The following SERHL2 variants were observed in gnomAD, a reference collection of about 807,000 sequenced individuals.
The protein encoded by SERHL2 is serine hydrolase like 2, also known as serine hydrolase-like protein 2.
A neutral mutation model predicts 25.5 loss-of-function variants in SERHL2; 29 were observed. The observed-to-expected ratio is 1.14, with a 90% CI of 0.85 to 1.55. The LOEUF (loss-of-function observed/expected upper bound fraction) is 1.55, where lower values mean the gene tolerates loss of function less well. SERHL2 is among the 40% of genes most tolerant of loss of function. The probability of loss-of-function intolerance (pLI) is 0.00; values close to 1 mark genes in which losing one functional copy is unlikely to be tolerated. For missense variants in SERHL2, 240 were observed against 252.3 expected (o/e 0.95, Z 0.33); for synonymous variants, 95 against 103.5 (o/e 0.92, Z 0.50).
chr22:42,554,122 G>C (rs1011294391), intron 1 of SERHL2, 80 bp downstream of exon 1: 1 of 1,533,344 alleles, frequency 6.5e-7, no homozygotes, highest in Admixed American at 1.8e-5. Context: ...GGATGGAGTG[G>C]AGGGTTCGCC....
At chr22:42,560,145 A>G (rs781776595) in intron 7 of SERHL2, 41 bp from the exon 8 acceptor site, 40 of 1,500,112 alleles carry the variant, frequency 2.7e-5, no homozygotes, top group Middle Eastern at 1.8e-4. Context: ...CCTCCTTTTT[A>G]TTGGCCTCCA....
chr22:42,572,355 T>C (rs997768233), intron 10 of SERHL2, 81 bp from the exon 11 acceptor site: 21 of 1,055,662 alleles, frequency 2.0e-5, no homozygotes, highest in Non-Finnish European at 2.9e-5. Context: ...CTCAGAGGCC[T>C]GAACCCAGGG....
chr22:42,565,639 G>GT (rs1306867082), intron 8 of SERHL2, among the ~76,000 whole-genome samples: 17 of 151,246 alleles, frequency 1.1e-4, no homozygotes, highest in East Asian at 1.9e-4. Context: ...TAATTTTTTA[G>GT]TTTTTTTGTG....
chr22:42,573,833 T>C, intron 11 of SERHL2, 103 bp from the exon 12 acceptor site: 1 of 1,087,160 alleles, frequency 9.2e-7, no homozygotes, highest in Non-Finnish European at 1.3e-6. Flanking sequence ...GCTCCTGACC[T>C]GCAGGGAGCT....
chr22:42,567,335 A>ATTTTC (rs910985463), intron 9 of SERHL2, among the ~76,000 whole-genome samples: 1 of 151,692 alleles, frequency 6.6e-6, no homozygotes, highest in East Asian at 1.9e-4. Flanking sequence ...ATAGTGATTC[A>ATTTTC]TTTTCTTTTC....
chr22:42,561,830 C>T (rs1248564315), intron 8 of SERHL2, among the ~76,000 whole-genome samples: 3 of 151,772 alleles, frequency 2.0e-5, no homozygotes, highest in African/African-American at 7.3e-5. Context: ...TCCCTGGAAA[C>T]CCATCATGGG....
chr22:42,566,085 C>T (rs565907239), intron 8 of SERHL2, among the ~76,000 whole-genome samples: 4 of 152,176 alleles, frequency 2.6e-5, no homozygotes, highest in South Asian at 2.1e-4. Context: ...CCGGTGAGGG[C>T]CCATGTGGGC....
intron 8 of SERHL2, among the ~76,000 whole-genome samples, chr22:42,561,965 G>C (rs534343863): frequency 6.6e-6 from 1 of 151,878 alleles, no homozygotes; most frequent in South Asian, 2.1e-4. Context: ...ATTAGGCCCA[G>C]GTCACAGGAA....
At chr22:42,573,531 A>G (rs1924563101) in intron 11 of SERHL2, 1 of 184,918 alleles carries the variant, frequency 5.4e-6, no homozygotes, top group Non-Finnish European at 1.1e-5. Context: ...AAGTGCTGGG[A>G]ATACAGGCGT....
Position 42,574,203 on chromosome 22 carries a change from C to G in SERHL2, c.*148C>G. ...CTAGGATGGTAGTCAGGGGAAGGAG[C>G]GAGATTCCAACTTCAACATCTGTGA... On this transcript the variant is annotated 3_prime_UTR_variant, in exon 12 of 12. Transcript: ENST00000327678. 1 of 678,762 alleles carries G rather than the reference C, an allele frequency of 1.5e-6. No individual in the cohort carries two copies. Among genetic ancestry groups the G allele is most frequent in the East Asian group, 2.8e-5 (1 of 35,978 alleles). The allele number at this position is 678,762 out of a possible 1,614,324, so 42.0% of individuals were successfully genotyped here.
chr22:42,573,630 C>CG (rs1394942342), intron 11 of SERHL2: 1 of 340,470 alleles, frequency 2.9e-6, no homozygotes, highest in Non-Finnish European at 5.5e-6. Flanking sequence ...TCTTTTCTCA[C>CG]GGGTACCTCT....
intron 8 of SERHL2, among the ~76,000 whole-genome samples, chr22:42,563,190 C>CTT (rs754138896): frequency 3.6e-4 from 35 of 97,988 alleles, no homozygotes; most frequent in Admixed American, 9.2e-4. Context: ...TTCTTTTTTT[C>CTT]TTTTTTTTTT....
rs766611966 is a variant in SERHL2 at position 42,573,927 on chromosome 22, C to G, written c.826-9C>G. 9 of 1,605,534 alleles carry G rather than the reference C, an allele frequency of 5.6e-6. No homozygotes were observed. The highest frequency in any genetic ancestry group is 3.3e-4 in the Middle Eastern group (2 of 5,978). On this transcript the variant is annotated splice_polypyrimidine_tract_variant and intron_variant, in intron 11 of 11. Transcript: ENST00000327678. ...CCACACCTCACCACCCACCCCCTCC[C>G]CTCTCCAGCAGTTCCAGTTTGTGGA...
intron 9 of SERHL2, among the ~76,000 whole-genome samples, chr22:42,567,692 A>AT (rs1923593887): frequency 2.7e-5 from 4 of 150,728 alleles, no homozygotes; most frequent in Admixed American, 2.0e-4. Context: ...AAATAAATAA[A>AT]AAAAATAAAA....
chr22:42,566,542 C>T (rs1243123047), intron 9 of SERHL2, among the ~76,000 whole-genome samples: 1 of 146,232 alleles, frequency 6.8e-6, no homozygotes, highest in East Asian at 2.0e-4. Context: ...GGCGACAGAG[C>T]GAGACTCCAT....
chr22:42,567,533 A>G lies in SERHL2; in HGVS notation c.648+1195A>G, dbSNP rs905242979. ...CAAAAAATTAGCCGGGCGCGGTGGC[A>G]GGCGCCTGTAGTCCCAGCTACTCGG... On this transcript the variant is annotated intron_variant, in intron 9 of 11. Coordinates refer to ENST00000327678, the MANE Select transcript of SERHL2 (RefSeq NM_014509.5). Among the ~76,000 whole-genome samples the G allele has an allele frequency of 1.3e-3, 201 of 150,690 alleles. 1 individual carries two copies. The highest frequency in any genetic ancestry group is 2.8e-3 in the African/African-American group (116 of 41,244).
chr22:42,570,701 C>A (rs1462168722), intron 9 of SERHL2, among the ~76,000 whole-genome samples: 1 of 152,124 alleles, frequency 6.6e-6, no homozygotes, highest in Non-Finnish European at 1.5e-5. Context: ...TTCCTCCTGG[C>A]AAGAAGCCTG....
At chr22:42,564,798 TTTTTTC>T in intron 8 of SERHL2, among the ~76,000 whole-genome samples, 1 of 151,956 alleles carries the variant, frequency 6.6e-6, no homozygotes, top group South Asian at 2.1e-4. Flanking sequence ...TCTACTAGTC[TTTTTTC>T]TTTTCCTTTT....
chr22:42,566,728 C>T (rs1267831156), intron 9 of SERHL2, among the ~76,000 whole-genome samples: 2 of 151,930 alleles, frequency 1.3e-5, no homozygotes, highest in East Asian at 1.9e-4. Flanking sequence ...GAAGTCAGCT[C>T]GGTGCATCTG....
Sources: allele counts gnomAD v4.1 joint callset (sites outside exome capture counted in the v4.1 genomes callset), GRCh38; gene constraint gnomAD v4.1.1; transcripts MANE v1.5; gene names NCBI Gene and HGNC (gene_info 2026-07-23, HGNC 2026-07-21).